SRRM1: variants seen among roughly 807,000 people sequenced by gnomAD.
SRRM1 encodes serine/arginine repetitive matrix protein 1.
Under a neutral mutation model 110.2 loss-of-function variants are expected in SRRM1, and 19 were observed. That is an observed-to-expected ratio of 0.17 (90% CI 0.12 to 0.25). The LOEUF (loss-of-function observed/expected upper bound fraction) is 0.25, where lower values mean the gene tolerates loss of function less well. SRRM1 is among the 10% of genes least tolerant of loss of function. The probability of loss-of-function intolerance (pLI) is 1.00; values close to 1 mark genes in which losing one functional copy is unlikely to be tolerated. For missense variants in SRRM1, 918 were observed against 1,145.8 expected (o/e 0.80, Z 2.87); for synonymous variants, 443 against 414.9 (o/e 1.07, Z -0.82).
intron 12 of SRRM1, among the ~76,000 whole-genome samples, chr1:24,666,218 A>G (rs1426751106): frequency 6.6e-6 from 1 of 152,130 alleles, no homozygotes; most frequent in African/African-American, 2.4e-5. Flanking sequence ...GTGTCATGTC[A>G]AGAATGTTTG....
In SRRM1 at chr1:24,648,840, C is replaced by T; in HGVS notation, c.235-19C>T. On this transcript the variant is annotated intron_variant, in intron 3 of 16. Coordinates refer to ENST00000323848, the MANE Select transcript of SRRM1 (RefSeq NM_005839.4). ...GTTTTGAAGTAACCTGTTTTTCTTC[C>T]TGTCGTGTCTTTTTGCAGAATCCAG... is the stretch of plus-strand genomic sequence containing the variant. 1 of 1,602,972 alleles carries T rather than the reference C, an allele frequency of 6.2e-7. No homozygotes were observed. The highest frequency in any genetic ancestry group is 8.5e-7 in the Non-Finnish European group (1 of 1,176,336).
intron 6 of SRRM1, 106 bp downstream of exon 6, chr1:24,651,718 T>G: frequency 3.2e-6 from 3 of 951,476 alleles, no homozygotes; most frequent in Non-Finnish European, 4.6e-6. Context: ...CCTTTTAGAT[T>G]TTTTAAATTA....
chr1:24,649,940 T>C (rs1410029066), intron 4 of SRRM1, 31 bp from the exon 5 acceptor site: 3 of 1,527,186 alleles, frequency 2.0e-6, no homozygotes, highest in Admixed American at 4.7e-5. Flanking sequence ...AATGTTCAAC[T>C]ATGTGTATTT....
chr1:24,651,399 T>C lies in SRRM1; in HGVS notation c.522-10T>C. 1 of 1,610,234 alleles carries C rather than the reference T, an allele frequency of 6.2e-7. No individual in the cohort carries two copies. The highest frequency in any genetic ancestry group is 1.1e-5 in the South Asian group (1 of 90,734). On this transcript the variant is annotated splice_polypyrimidine_tract_variant and intron_variant, in intron 5 of 16. Transcript: ENST00000323848. ...ATTTAAAAACCTGAAAAAAATTACT[T>C]TCATCCTAGACGCAAATCCAGATCT...
intron 12 of SRRM1, among the ~76,000 whole-genome samples, chr1:24,664,467 A>G (rs1557725039): frequency 6.6e-6 from 1 of 152,206 alleles, no homozygotes; most frequent in Non-Finnish European, 1.5e-5. Context: ...TTAGACCTAT[A>G]CATTTGGCAT....
chr1:24,646,059 T>A lies in SRRM1; in HGVS notation c.97T>A (p.Cys33Ser). ...KLLKQLKFAE[C>S]LEKKVDMSKV... ...ACTGAAGCAGCTGAAATTTGCAGAA[T>A]GCCTAGAAAAAAAGGTATTCTTCTG... Residue 33 changes from cysteine (C) to serine (S), a missense_variant, in exon 2 of 17, where the codon TGC becomes AGC. Cys to Ser is a moderately radical substitution (Grantham distance 112). Around this residue, in one of 5 missense-constraint regions of SRRM1, gnomAD observed 38 missense variants for 144.5 expected, o/e 0.26. Coordinates refer to ENST00000323848, the MANE Select transcript of SRRM1 (RefSeq NM_005839.4). 6.2e-7 allele frequency: 1 copy of A among 1,612,676 alleles called. No individual in the cohort carries two copies. The highest frequency in any genetic ancestry group is 8.5e-7 in the Non-Finnish European group (1 of 1,179,432).
intron 12 of SRRM1, among the ~76,000 whole-genome samples, chr1:24,663,573 G>A (rs937326845): frequency 1.3e-5 from 2 of 152,024 alleles, no homozygotes; most frequent in Admixed American, 6.6e-5. Flanking sequence ...TAGATTTGGG[G>A]GGAGGGACTT....
chr1:24,659,225 G>C (rs1424159675), intron 9 of SRRM1, among the ~76,000 whole-genome samples: 2 of 151,902 alleles, frequency 1.3e-5, no homozygotes, highest in Non-Finnish European at 2.9e-5. Context: ...AAAGGGAAAA[G>C]TCTGTTCATT....
intron 12 of SRRM1, 175 bp downstream of exon 12, chr1:24,662,979 A>G: frequency 9.9e-7 from 1 of 1,014,642 alleles, no homozygotes; most frequent in Non-Finnish European, 1.4e-6. Context: ...GGTGGTTATT[A>G]ATAATTAATT....
At position 24,672,458 on chromosome 1, in the gene SRRM1, A is replaced by G. The variant is rs914754668; in HGVS notation, c.*172A>G. ...GATTTACATTGCAAAAGGTGTCCAC[A>G]GTGTATTAGTGACATTCTTTCATTG... is the stretch of plus-strand genomic sequence containing the variant. On this transcript the variant is annotated 3_prime_UTR_variant, in exon 17 of 17. Transcript: ENST00000323848. The G allele has an allele frequency of 1.5e-5, 6 of 407,386 alleles. No homozygotes were observed. Among genetic ancestry groups the G allele is most frequent in the African/African-American group, 6.2e-5 (3 of 48,184 alleles). 25.2% of individuals were successfully genotyped at this position (407,386 alleles called of 1,614,324 possible).
At chr1:24,646,113 CACTT>C (rs894546886) in intron 2 of SRRM1, 40 bp downstream of exon 2, 38 of 1,464,914 alleles carry the variant, frequency 2.6e-5, no homozygotes, top group Non-Finnish European at 3.6e-5. Flanking sequence ...CTTTATAGCA[CACTT>C]ACTTGACTCA....
At position 24,669,396 on chromosome 1, in the gene SRRM1, G is replaced by A. The variant is rs771996331; in HGVS notation, c.2013G>A (p.Arg671=). The change falls in exon 14 of 17, where the codon CGG becomes CGA. Residue 671 remains arginine, a synonymous_variant. Transcript: ENST00000323848. ...GGTCTTCCCCAAGCCGCTCTACCCG[G>A]GAGGCCCGATCACCACAACCAAACA... ...RKGSSPSRST[R]EARSPQPNKR... 1 of 1,614,060 alleles carries A rather than the reference G, an allele frequency of 6.2e-7. No individual in the cohort carries two copies. Among genetic ancestry groups the A allele is most frequent in the Non-Finnish European group, 8.5e-7 (1 of 1,180,028 alleles).
chr1:24,652,033 T>TATATAC (rs1661088160), intron 6 of SRRM1, among the ~76,000 whole-genome samples: 1 of 98,994 alleles, frequency 1.0e-5, no homozygotes, highest in Non-Finnish European at 1.8e-5. Context: ...ACTAAAAATA[T>TATATAC]ATATATATAT....
In SRRM1 at chr1:24,652,438, A is replaced by G. The variant is rs377349401; in HGVS notation, c.730A>G (p.Ile244Val). The G allele has an allele frequency of 1.9e-6, 3 of 1,549,042 alleles. No homozygotes were observed. The highest frequency in any genetic ancestry group is 2.6e-6 in the Non-Finnish European group (3 of 1,153,578). ...AAAAAGCTTTTGTTTCCACAGTGAC[A>G]TTCTGAAAGTTCCCAAACCTGAACC... Reference protein sequence around the residue: ...SVQEATSTSDILKVPKPEPIP... With the variant: ...SVQEATSTSDVLKVPKPEPIP... Residue 244 changes from isoleucine to valine, a missense_variant, in exon 7 of 17, where the codon ATT becomes GTT. Around this residue, in one of 5 missense-constraint regions of SRRM1, gnomAD observed 456 missense variants for 453.5 expected, o/e 1.01. Transcript: ENST00000323848.
intron 12 of SRRM1, among the ~76,000 whole-genome samples, chr1:24,664,243 G>A (rs892743342): frequency 3.3e-5 from 5 of 152,078 alleles, no homozygotes; most frequent in Non-Finnish European, 7.4e-5. Context: ...TGATCCACCC[G>A]CCTCGGCCTC....
At position 24,672,460 on chromosome 1, in the gene SRRM1, T is replaced by C. The variant is rs1202536818; in HGVS notation, c.*174T>C. On this transcript the variant is annotated 3_prime_UTR_variant, in exon 17 of 17. Coordinates refer to ENST00000323848, the MANE Select transcript of SRRM1 (RefSeq NM_005839.4). ...TTTACATTGCAAAAGGTGTCCACAG[T>C]GTATTAGTGACATTCTTTCATTGAC... is the stretch of plus-strand genomic sequence containing the variant. 2.4e-6 allele frequency: 1 copy of C among 411,918 alleles called. No homozygotes were observed. Among genetic ancestry groups the C allele is most frequent in the Non-Finnish European group, 4.5e-6 (1 of 224,198 alleles). The allele number at this position is 411,918 out of a possible 1,614,324, so 25.5% of individuals were successfully genotyped here.
rs1671607781 is a variant in SRRM1, at chr1:24,669,366, G to C, written c.1983G>C (p.Arg661Ser). The C allele has an allele frequency of 6.2e-7, 1 of 1,613,942 alleles. No homozygotes were observed. Among genetic ancestry groups the C allele is most frequent in the African/African-American group, 1.3e-5 (1 of 74,896 alleles). ...RRSPSLSSKH[R>S]KGSSPSRSTR... is the part of the protein sequence containing the mutation. ...CACCTTCATTATCATCCAAGCATAGGAAAGGGTCTTCCCCAAGCCGCTCTA... is the reference window on the plus strand; with the variant it reads ...CACCTTCATTATCATCCAAGCATAGCAAAGGGTCTTCCCCAAGCCGCTCTA... Residue 661 changes from arginine (R) to serine (S), a missense_variant, in exon 14 of 17, where the codon AGG (arginine) becomes AGC (serine). Physicochemically the swap from Arg to Ser is moderately radical, Grantham distance 110 (BLOSUM62 -1). Transcript: ENST00000323848.
intron 6 of SRRM1, 66 bp downstream of exon 6, chr1:24,651,678 C>G (rs1439477690): frequency 1.7e-6 from 2 of 1,194,348 alleles, no homozygotes; most frequent in Non-Finnish European, 2.4e-6. Context: ...GCAAATATGA[C>G]ATCTGAGTTA....
Position 24,658,827 on chromosome 1 carries a change from T to C in SRRM1, c.1316-1892T>C, listed in dbSNP as rs544003486. Among the ~76,000 whole-genome samples the C allele has an allele frequency of 2.6e-5, 4 of 152,366 alleles. No individual in the cohort carries two copies. In the South Asian group the frequency reaches 8.3e-4, roughly 32 times the overall value. On this transcript the variant is annotated intron_variant, in intron 9 of 16. Coordinates refer to ENST00000323848, the MANE Select transcript of SRRM1 (RefSeq NM_005839.4). ...TTGCTATTTGCACTGTCATGATTCC[T>C]GATATCTAATTGAGTGATAGCCATT...
Sources: gnomAD v4.1 joint callset for allele counts (sites outside exome capture counted in the v4.1 genomes callset) on GRCh38, gnomAD v4.1.1 for gene constraint, gnomAD v4.1.1 regional missense constraint, MANE v1.5 for transcripts, NCBI Gene and HGNC (gene_info 2026-07-23, HGNC 2026-07-21) for gene names.